ECT2: variants seen among roughly 807,000 people sequenced by gnomAD.
The protein encoded by ECT2 is epithelial cell transforming 2, also known as protein ECT2.
ECT2 carries 61 observed loss-of-function variants against 116.9 expected under a neutral mutation model. The ratio of observed to expected loss-of-function variants is 0.52; its 90% confidence interval spans 0.42 to 0.65. The LOEUF is 0.65. ECT2 is among the 30% of genes least tolerant of loss of function. The probability of loss-of-function intolerance (pLI) is 0.00; values close to 1 mark genes in which losing one functional copy is unlikely to be tolerated. For synonymous variants in ECT2, 358 were observed against 346.4 expected, an observed-to-expected ratio of 1.03 and a Z score of -0.37; for missense variants, 937 against 1,078.7, an observed-to-expected ratio of 0.87 and a Z score of 1.84.
rs1730508625 is a variant in ECT2 at position 172,820,165 on chromosome 3, C to T, written c.2673C>T (p.Ser891=). Residue 891 remains serine (S), a synonymous_variant, in exon 25 of 25, where the codon TCC becomes TCT. Coordinates refer to ENST00000392692, the MANE Select transcript of ECT2 (RefSeq NM_001258315.2). ...TSSLAGIPSP[S]LVSLPSFFER... The stretch of plus-strand genomic sequence containing the variant: ...CTTAACAGGGTATCCCTTCTCCCTC[C>T]CTTGTCAGCCTTCCTTCCTTCTTTG... 6.2e-7 allele frequency: 1 copy of T among 1,609,402 alleles called. No homozygotes were observed. The highest frequency in any genetic ancestry group is 8.5e-7 in the Non-Finnish European group (1 of 1,177,196).
intron 8 of ECT2, 67 bp from the exon 9 acceptor site, chr3:172,762,349 T>C (rs1038295632): frequency 1.2e-5 from 17 of 1,473,108 alleles, no homozygotes; most frequent in Non-Finnish European, 1.6e-5. Flanking sequence ...TGTAGGTTTG[T>C]AAATTGATAT....
chr3:172,798,780 T>G (rs1421979106), intron 18 of ECT2, among the ~76,000 whole-genome samples: 5 of 152,200 alleles, frequency 3.3e-5, no homozygotes, highest in Admixed American at 3.3e-4. Flanking sequence ...ATATAGTTAT[T>G]TACATAAGTC....
At chr3:172,807,066 C>T (rs1727890064) in intron 21 of ECT2, among the ~76,000 whole-genome samples, 1 of 152,144 alleles carries the variant, frequency 6.6e-6, no homozygotes, top group Non-Finnish European at 1.5e-5. Flanking sequence ...GGGGACGGTT[C>T]CTGGACCTCC....
the ECT2 span, chr3:172,828,988 TC>T: frequency 8.9e-7 from 1 of 1,122,692 alleles, no homozygotes; most frequent in Non-Finnish European, 1.3e-6. Context: ...TGTGTCAATG[TC>T]CCAGGAGACA....
chr3:172,799,513 A>C (rs1726330011), intron 18 of ECT2, among the ~76,000 whole-genome samples: 3 of 152,222 alleles, frequency 2.0e-5, no homozygotes, highest in African/African-American at 7.2e-5. Context: ...AGTAACTGCT[A>C]TAAGTAACTT....
chr3:172,815,499 G>A, intron 22 of ECT2, 105 bp from the exon 23 acceptor site: 1 of 659,854 alleles, frequency 1.5e-6, no homozygotes, highest in Non-Finnish European at 2.6e-6. Context: ...AAAGTCTTGA[G>A]TAGCTTCATT....
chr3:172,756,910 C>A, intron 4 of ECT2, 73 bp from the exon 5 acceptor site: 2 of 1,282,434 alleles, frequency 1.6e-6, no homozygotes, highest in South Asian at 1.4e-5. Context: ...GATTGTTAAG[C>A]CTTATTTAGA....
At chr3:172,813,715 G>GTA (rs1729173765) in intron 22 of ECT2, among the ~76,000 whole-genome samples, 2 of 151,926 alleles carry the variant, frequency 1.3e-5, no homozygotes, top group African/African-American at 4.8e-5. Context: ...CTGGAACTGT[G>GTA]TACCCATTCC....
intron 17 of ECT2, 24 bp downstream of exon 17, chr3:172,784,827 C>A: frequency 7.5e-7 from 1 of 1,326,446 alleles, no homozygotes; most frequent in African/African-American, 1.4e-5. Flanking sequence ...CTGTTTCAAA[C>A]TACATCAGAT....
At chr3:172,818,934 C>T in intron 24 of ECT2, 1 of 763,668 alleles carries the variant, frequency 1.3e-6, no homozygotes, top group Non-Finnish European at 1.7e-6. Context: ...GTTATGACTG[C>T]TTTGAATTAA....
intron 14 of ECT2, among the ~76,000 whole-genome samples, chr3:172,779,152 CA>C (rs1249716531): frequency 6.6e-6 from 1 of 152,128 alleles, no homozygotes; most frequent in African/African-American, 2.4e-5. Context: ...AATTGAGGAA[CA>C]TATAGCTTAA....
At chr3:172,761,726 A>T (rs1718339549) in intron 8 of ECT2, 43 bp downstream of exon 8, 1 of 1,365,056 alleles carries the variant, frequency 7.3e-7, no homozygotes, top group Admixed American at 1.9e-5. Flanking sequence ...TAAATTAAAC[A>T]TTCTGGTTTA....
At chr3:172,806,028 A>C in intron 21 of ECT2, 159 bp downstream of exon 21, 1 of 697,654 alleles carries the variant, frequency 1.4e-6, no homozygotes, top group African/African-American at 1.8e-5. Flanking sequence ...TCCCATCTCC[A>C]TCTCTAGGAA....
chr3:172,774,291 G>C (rs189387182), intron 14 of ECT2, among the ~76,000 whole-genome samples: 2 of 152,224 alleles, frequency 1.3e-5, no homozygotes, highest in Admixed American at 1.3e-4. Flanking sequence ...TCTGCCACCT[G>C]GGCTCAAGCA....
chr3:172,770,146 T>G (rs1465550294), intron 13 of ECT2, among the ~76,000 whole-genome samples: 1 of 152,212 alleles, frequency 6.6e-6, no homozygotes, highest in East Asian at 1.9e-4. Context: ...AGCTTTATTT[T>G]AAGTCACCTT....
chr3:172,813,729 G>A (rs1461060418), intron 22 of ECT2, among the ~76,000 whole-genome samples: 1 of 151,920 alleles, frequency 6.6e-6, no homozygotes, highest in African/African-American at 2.4e-5. Flanking sequence ...CCATTCCACA[G>A]TAATTCCCCA....
At position 172,759,013 on chromosome 3, in the gene ECT2, A is replaced by T. The variant is rs1381962093; in HGVS notation, c.520A>T (p.Thr174Ser). The T allele has an allele frequency of 5.0e-6, 8 of 1,611,716 alleles. No individual in the cohort carries two copies. In the African/African-American group the frequency reaches 8.0e-5, roughly 16 times the overall value. The change falls in exon 6 of 25, where the codon ACA (threonine) becomes TCA (serine). Residue 174 changes from threonine to serine, a missense_variant. Thr to Ser is a moderately conservative substitution (Grantham distance 58). Coordinates refer to ENST00000392692, the MANE Select transcript of ECT2 (RefSeq NM_001258315.2). ...LPFSCRPLYC[T>S]SMMNLVLCFT... ...ATTTTCATGTCGCCCGTTGTATTGT[A>T]CAAGTATGATGAATCTAGTACTATG... is the stretch of plus-strand genomic sequence containing the variant.
chr3:172,803,973 T>C (rs1727200578), intron 20 of ECT2, among the ~76,000 whole-genome samples: 1 of 152,068 alleles, frequency 6.6e-6, no homozygotes, highest in Non-Finnish European at 1.5e-5. Context: ...CCAGTCTAAT[T>C]ATTTTTAGTA....
Position 172,802,851 on chromosome 3 carries a change from A to G in ECT2, c.1987-10A>G, listed in dbSNP as rs750454439. 23 of 1,602,580 alleles carry G rather than the reference A, an allele frequency of 1.4e-5. No homozygotes were observed. The highest frequency in any genetic ancestry group is 1.7e-5 in the Non-Finnish European group (20 of 1,176,718). ...AGTGATCTCTTTTGTTATATTTTCAACCTATACAGGCTAATCTTTTATCTT... is the reference window on the plus strand; with the variant it reads ...AGTGATCTCTTTTGTTATATTTTCAGCCTATACAGGCTAATCTTTTATCTT... On this transcript the variant is annotated splice_polypyrimidine_tract_variant and intron_variant, in intron 19 of 24. Coordinates refer to ENST00000392692, the MANE Select transcript of ECT2 (RefSeq NM_001258315.2).
Sources: gnomAD v4.1 joint callset for allele counts (sites outside exome capture counted in the v4.1 genomes callset) on GRCh38, gnomAD v4.1.1 for gene constraint, MANE v1.5 for transcripts, NCBI Gene and HGNC (gene_info 2026-07-23, HGNC 2026-07-21) for gene names.